NAA15: variants seen among roughly 807,000 people sequenced by gnomAD.
The protein encoded by NAA15 is N-terminal acetyltransferase.
In NAA15, 34 loss-of-function variants were observed where a neutral mutation model predicts 114.0. The observed-to-expected ratio is 0.30, with a 90% CI of 0.23 to 0.40. NAA15 has a LOEUF of 0.40. Among genes scored for constraint, NAA15 ranks in the 10% least tolerant of loss-of-function variants. The pLI, the probability that NAA15 is intolerant of heterozygous loss-of-function variation, is 1.00. For missense variants in NAA15, 658 were observed against 1,004.5 expected (o/e 0.66, Z 4.66); for synonymous variants, 340 against 338.0 (o/e 1.01, Z -0.06).
At chr4:139,310,906 A>G (rs1269733212) in intron 1 of NAA15, among the ~76,000 whole-genome samples, 2 of 149,978 alleles carry the variant, frequency 1.3e-5, no homozygotes, top group African/African-American at 5.0e-5. Context: ...GGTGTGAGCC[A>G]TTATGCCTGG....
intron 1 of NAA15, among the ~76,000 whole-genome samples, chr4:139,324,254 T>C (rs1267153635): frequency 1.3e-5 from 2 of 152,248 alleles, no homozygotes; most frequent in Non-Finnish European, 2.9e-5. Context: ...AAATGTTAAT[T>C]CCTGTTGAAA....
At chr4:139,339,526 GGATCACGA>G (rs1210024828) in intron 3 of NAA15, among the ~76,000 whole-genome samples, 4 of 151,756 alleles carry the variant, frequency 2.6e-5, no homozygotes, top group African/African-American at 9.7e-5. Flanking sequence ...GGAGGCGGGC[GGATCACGA>G]GATCAGGAGA....
intron 1 of NAA15, 101 bp downstream of exon 1, chr4:139,301,932 G>A: frequency 7.7e-6 from 10 of 1,297,370 alleles, no homozygotes; most frequent in Non-Finnish European, 1.1e-5. Context: ...ACTCCCGCCC[G>A]GGACCCCGCC....
intron 8 of NAA15, 75 bp from the exon 9 acceptor site, chr4:139,351,430 A>G: frequency 9.2e-7 from 1 of 1,092,202 alleles, no homozygotes; most frequent in Non-Finnish European, 1.4e-6. Flanking sequence ...TAAGTTGGTA[A>G]ATGTAAGTAA....
intron 14 of NAA15, among the ~76,000 whole-genome samples, chr4:139,362,489 T>C (rs1440356690): frequency 6.6e-6 from 1 of 152,112 alleles, no homozygotes; most frequent in Non-Finnish European, 1.5e-5. Context: ...TCCAGGCTGG[T>C]CTCGAACCCC....
At chr4:139,301,911 G>C (rs746043202) in intron 1 of NAA15, 80 bp downstream of exon 1, 3 of 1,464,490 alleles carry the variant, frequency 2.0e-6, no homozygotes, top group Non-Finnish European at 2.8e-6. Flanking sequence ...CGGCCCGGCG[G>C]GCACTGAGCC....
chr4:139,341,343 C>T (rs756040053), intron 4 of NAA15, among the ~76,000 whole-genome samples: 1 of 151,766 alleles, frequency 6.6e-6, no homozygotes, highest in Non-Finnish European at 1.5e-5. Context: ...CGCCTGTAGT[C>T]CCAGCACTTT....
rs771855515 is a variant in NAA15, at chr4:139,361,889, C to T, written c.1705C>T (p.His569Tyr). The T allele has an allele frequency of 1.2e-6, 2 of 1,613,690 alleles. No individual in the cohort carries two copies. The highest frequency in any genetic ancestry group is 2.2e-5 in the South Asian group (2 of 91,064). The change falls in exon 14 of 20, where the codon CAT becomes TAT. Residue 569 changes from histidine (H) to tyrosine (Y), a missense_variant. By Grantham distance (83) the His-to-Tyr change is moderately conservative (BLOSUM62 2). Transcript: ENST00000296543. ...TGCTATAGAGATCTATTTGAAGCTTCATGACAACCCCCTTACAGATGAGAA... is the reference window on the plus strand; with the variant it reads ...TGCTATAGAGATCTATTTGAAGCTTTATGACAACCCCCTTACAGATGAGAA... ...RIAIEIYLKL[H>Y]DNPLTDENKE...
intron 1 of NAA15, among the ~76,000 whole-genome samples, chr4:139,332,570 A>ATTTT (rs1747051142): frequency 1.2e-4 from 7 of 59,200 alleles, no homozygotes; most frequent in South Asian, 7.0e-4. Flanking sequence ...TTTGGTTTGT[A>ATTTT]TGTTTTTTTT....
intron 11 of NAA15, among the ~76,000 whole-genome samples, chr4:139,359,378 C>T (rs986019852): frequency 2.6e-5 from 4 of 152,072 alleles, no homozygotes; most frequent in African/African-American, 4.8e-5. Context: ...CCACCCGGCT[C>T]GGCCTCCCAA....
chr4:139,326,303 C>T (rs975513513), intron 1 of NAA15, among the ~76,000 whole-genome samples: 2 of 152,030 alleles, frequency 1.3e-5, no homozygotes, highest in Non-Finnish European at 2.9e-5. Context: ...CCTCAGTTAT[C>T]TCGTGTAAAA....
chr4:139,308,913 T>C (rs572396593), intron 1 of NAA15, among the ~76,000 whole-genome samples: 23 of 151,892 alleles, frequency 1.5e-4, no homozygotes, highest in Non-Finnish European at 3.1e-4. Context: ...CACCGCACCC[T>C]GCCGGTAATC....
intron 14 of NAA15, among the ~76,000 whole-genome samples, chr4:139,367,198 G>C (rs1352823993): frequency 6.6e-6 from 1 of 152,130 alleles, no homozygotes; most frequent in East Asian, 1.9e-4. Flanking sequence ...ACATTATTAG[G>C]AGACACACAG....
chr4:139,343,036 T>C (rs1056084070), intron 5 of NAA15, 76 bp downstream of exon 5: 2 of 1,347,712 alleles, frequency 1.5e-6, no homozygotes, highest in African/African-American at 3.0e-5. Context: ...TCTGGCTTAC[T>C]TTTAATTTTG....
At chr4:139,351,426 G>T in intron 8 of NAA15, 79 bp from the exon 9 acceptor site, 1 of 1,078,376 alleles carries the variant, frequency 9.3e-7, no homozygotes, top group South Asian at 1.3e-5. Context: ...AATGTAAGTT[G>T]GTAAATGTAA....
chr4:139,333,066 A>G (rs752079467), intron 1 of NAA15, among the ~76,000 whole-genome samples: 54 of 152,230 alleles, frequency 3.5e-4, no homozygotes, highest in Non-Finnish European at 6.9e-4. Context: ...ATAATACCTA[A>G]TACAATGTAA....
At chr4:139,359,118 G>A (rs146611601) in intron 11 of NAA15, among the ~76,000 whole-genome samples, 1 of 150,604 alleles carries the variant, frequency 6.6e-6, no homozygotes, top group East Asian at 2.0e-4. Context: ...AAAAAAAAAA[G>A]ATTTCTGTTA....
chr4:139,361,943 A>G lies in NAA15; in HGVS notation c.1753+6A>G. The G allele has an allele frequency of 6.3e-7, 1 of 1,589,742 alleles. No homozygotes were observed. Reference sequence around the variant, plus strand: ...AGAACACGAAGCTGATACAGGTATAATATTCAGAGTTCTTCTTGTGCTCTG... The same window carrying G: ...AGAACACGAAGCTGATACAGGTATAGTATTCAGAGTTCTTCTTGTGCTCTG... On this transcript the variant is annotated splice_donor_region_variant and intron_variant, in intron 14 of 19. Coordinates refer to ENST00000296543, the MANE Select transcript of NAA15 (RefSeq NM_057175.5).
intron 16 of NAA15, 107 bp downstream of exon 16, chr4:139,376,580 C>T (rs1259672766): frequency 2.8e-6 from 2 of 708,270 alleles, no homozygotes; most frequent in Non-Finnish European, 5.0e-6. Flanking sequence ...TTAGCAAATG[C>T]CAACGCAGCT....
Sources: allele counts gnomAD v4.1 joint callset (sites outside exome capture counted in the v4.1 genomes callset), GRCh38; gene constraint gnomAD v4.1.1; transcripts MANE v1.5; gene names NCBI Gene and HGNC (gene_info 2026-07-23, HGNC 2026-07-21).